Variants in ARL15 observed in about 807,000 individuals in gnomAD.
ARL15 encodes ADP-ribosylation factor-like protein 15.
Under a neutral mutation model 25.2 loss-of-function variants are expected in ARL15, and 19 were observed. That is an observed-to-expected ratio of 0.75 (90% confidence interval 0.53 to 1.10). The LOEUF is 1.10. ARL15 is among the 50% of genes least tolerant of loss of function. The pLI, the probability that ARL15 is intolerant of heterozygous loss-of-function variation, is 0.00. For missense variants in ARL15, 220 were observed against 246.0 expected (o/e 0.89, Z 0.71); for synonymous variants, 94 against 86.8 (o/e 1.08, Z -0.46).
intron 1 of ARL15, among the ~76,000 whole-genome samples, chr5:54,283,799 G>C (rs1464763996): frequency 4.6e-5 from 7 of 152,218 alleles, no homozygotes; most frequent in Admixed American, 4.6e-4. Flanking sequence ...AGATTTACCA[G>C]CCTTTCTTGG....
intron 4 of ARL15, among the ~76,000 whole-genome samples, chr5:53,982,600 G>A (rs1047456688): frequency 5.3e-5 from 8 of 152,094 alleles, no homozygotes; most frequent in Admixed American, 5.2e-4. Flanking sequence ...GGGCATTTGG[G>A]TTGGTTCCAA....
intron 1 of ARL15, among the ~76,000 whole-genome samples, chr5:54,249,968 G>A (rs2112596669): frequency 6.6e-6 from 1 of 152,226 alleles, no homozygotes; most frequent in African/African-American, 2.4e-5. Flanking sequence ...GACCATTTTT[G>A]CATTGCTATA....
chr5:54,217,231 A>T (rs903662503), intron 1 of ARL15, among the ~76,000 whole-genome samples: 1 of 151,098 alleles, frequency 6.6e-6, no homozygotes, highest in Non-Finnish European at 1.5e-5. Context: ...GGGAGAAAAC[A>T]CTACCAATTT....
chr5:53,919,280 C>A (rs1259297908), intron 4 of ARL15, among the ~76,000 whole-genome samples: 1 of 152,170 alleles, frequency 6.6e-6, no homozygotes, highest in Non-Finnish European at 1.5e-5. Flanking sequence ...CCCTCCCCAT[C>A]AGATTTTCTC....
intron 2 of ARL15, 40 bp downstream of exon 2, chr5:54,171,744 T>A (rs753933282): frequency 6.4e-7 from 1 of 1,569,754 alleles, no homozygotes; most frequent in South Asian, 1.2e-5. Flanking sequence ...CATCTTGGGA[T>A]GAGAAAGAAG....
intron 4 of ARL15, among the ~76,000 whole-genome samples, chr5:53,975,229 G>C (rs1357350295): frequency 5.9e-5 from 9 of 152,124 alleles, no homozygotes; most frequent in Non-Finnish European, 1.0e-4. Context: ...ACAAGAAATA[G>C]GTGGGCAGAA....
At chr5:54,190,407 A>C (rs1471850598) in intron 1 of ARL15, among the ~76,000 whole-genome samples, 1 of 152,082 alleles carries the variant, frequency 6.6e-6, no homozygotes, top group Non-Finnish European at 1.5e-5. Context: ...AAAAAAAAAA[A>C]ATTACAGTGA....
chr5:53,930,881 T>C (rs1746176896), intron 4 of ARL15, among the ~76,000 whole-genome samples: 1 of 152,214 alleles, frequency 6.6e-6, no homozygotes, highest in Non-Finnish European at 1.5e-5. Context: ...CTGGAAAGAC[T>C]GTCTTACAGA....
intron 1 of ARL15, among the ~76,000 whole-genome samples, chr5:54,242,489 G>T (rs1756983711): frequency 6.6e-6 from 1 of 152,256 alleles, no homozygotes; most frequent in East Asian, 1.9e-4. Context: ...TGGTCACAGG[G>T]TCTGTTCATG....
chr5:53,903,735 T>G (rs1027117380), intron 4 of ARL15, among the ~76,000 whole-genome samples: 3 of 152,150 alleles, frequency 2.0e-5, no homozygotes, highest in Admixed American at 2.0e-4. Flanking sequence ...CTATTCTCTG[T>G]GCTTCTTTCT....
chr5:53,890,016 T>C (rs1014920852), intron 4 of ARL15, among the ~76,000 whole-genome samples: 1 of 152,172 alleles, frequency 6.6e-6, no homozygotes, highest in African/African-American at 2.4e-5. Flanking sequence ...TTTCACCACG[T>C]TGGCCAGGCT....
intron 1 of ARL15, among the ~76,000 whole-genome samples, chr5:54,304,790 T>C (rs1015276083): frequency 2.7e-4 from 41 of 152,284 alleles, no homozygotes; most frequent in African/African-American, 9.4e-4. Flanking sequence ...TTAGTCACAA[T>C]AAATACAACT....
chr5:53,977,471 A>T (rs1406509482), intron 4 of ARL15, among the ~76,000 whole-genome samples: 1 of 152,172 alleles, frequency 6.6e-6, no homozygotes, highest in Non-Finnish European at 1.5e-5. Context: ...GCTGTCAGTA[A>T]TAACTTCACT....
chr5:54,169,260 T>A (rs3797267), intron 2 of ARL15, among the ~76,000 whole-genome samples: 36,349 of 152,136 alleles, frequency 0.24, 4,568 homozygotes, highest in African/African-American at 0.3. Flanking sequence ...GCATACTTTG[T>A]GTTACTCTTA....
chr5:54,271,852 G>T (rs1454326040), intron 1 of ARL15, among the ~76,000 whole-genome samples: 2 of 152,036 alleles, frequency 1.3e-5, no homozygotes, highest in African/African-American at 4.8e-5. Flanking sequence ...CATCACCAGG[G>T]TCAAGCAGAT....
intron 4 of ARL15, among the ~76,000 whole-genome samples, chr5:54,072,772 T>C (rs946810099): frequency 2.6e-5 from 4 of 152,198 alleles, no homozygotes; most frequent in Non-Finnish European, 5.9e-5. Flanking sequence ...GTATCAAAAT[T>C]TCCTTTTCCC....
chr5:54,039,765 G>T, intron 4 of ARL15, among the ~76,000 whole-genome samples: 1 of 120,866 alleles, frequency 8.3e-6, no homozygotes, highest in African/African-American at 3.3e-5. Context: ...TTGCACCACT[G>T]CTCTCCAGCC....
At chr5:53,908,281 TC>T (rs1256143039) in intron 4 of ARL15, among the ~76,000 whole-genome samples, 4 of 152,166 alleles carry the variant, frequency 2.6e-5, no homozygotes, top group Non-Finnish European at 5.9e-5. Context: ...GCCTTCTGTA[TC>T]CATGGGTTCC....
chr5:54,056,754 T>C (rs1346716907), intron 4 of ARL15, among the ~76,000 whole-genome samples: 1 of 151,802 alleles, frequency 6.6e-6, no homozygotes, highest in African/African-American at 2.4e-5. Flanking sequence ...AATAATCACA[T>C]ACTATGAGGC....
Sources: gnomAD v4.1 joint callset for allele counts (sites outside exome capture counted in the v4.1 genomes callset) on GRCh38, gnomAD v4.1.1 for gene constraint, MANE v1.5 for transcripts, NCBI Gene and HGNC (gene_info 2026-07-23, HGNC 2026-07-21) for gene names.